SGCZ: variants seen among roughly 807,000 people sequenced by gnomAD.
SGCZ encodes sarcoglycan zeta, also known as zeta-sarcoglycan.
Under a neutral mutation model 41.3 loss-of-function variants are expected in SGCZ, and 40 were observed. The ratio of observed to expected loss-of-function variants is 0.97; its 90% CI spans 0.75 to 1.26. The LOEUF (loss-of-function observed/expected upper bound fraction) is 1.26. Ranked by LOEUF, SGCZ falls within the 50% of genes most tolerant of loss-of-function variation. The pLI, the probability that SGCZ is intolerant of heterozygous loss-of-function variation, is 0.00. For missense variants in SGCZ, 552 were observed against 369.8 expected (o/e 1.49, Z -4.04); for synonymous variants, 206 against 137.5 (o/e 1.50, Z -3.49).
Position 14,124,677 on chromosome 8 carries a change from C to A in SGCZ, c.548-16442G>T, listed in dbSNP as rs138216633. ...AGCTACATCAAGATAAAGAGTTTCT[C>A]CAGGAGGAATTGTGATTTAGTTAAG... is the stretch of plus-strand genomic sequence containing the variant. On this transcript the variant is annotated intron_variant, in intron 5 of 7. Transcript: ENST00000382080. Among the ~76,000 whole-genome samples, 1,249 of 152,208 alleles carry A rather than the reference C, an allele frequency of 8.2e-3. 9 individuals carry two copies. Among genetic ancestry groups the A allele is most frequent in the Non-Finnish European group, 0.013 (904 of 68,012 alleles).
chr8:14,173,134 C>T (rs564342456), intron 4 of SGCZ, among the ~76,000 whole-genome samples: 1 of 151,718 alleles, frequency 6.6e-6, no homozygotes, highest in Admixed American at 6.6e-5. Context: ...CAGGAGCAAG[C>T]TGATATGCTA....
intron 1 of SGCZ, among the ~76,000 whole-genome samples, chr8:14,682,404 G>T (rs978788057): frequency 6.6e-6 from 1 of 151,344 alleles, no homozygotes; most frequent in African/African-American, 2.4e-5. Flanking sequence ...AATTAAAAAT[G>T]CACATACATA....
chr8:15,043,490 T>A (rs1233938989), intron 1 of SGCZ, among the ~76,000 whole-genome samples: 2 of 152,116 alleles, frequency 1.3e-5, no homozygotes, highest in Non-Finnish European at 2.9e-5. Context: ...TAAATCATAT[T>A]TTTCTGATAT....
At chr8:14,318,078 G>C (rs2117016703) in intron 3 of SGCZ, among the ~76,000 whole-genome samples, 1 of 151,982 alleles carries the variant, frequency 6.6e-6, no homozygotes, top group Admixed American at 6.6e-5. Context: ...TGAGAATGCA[G>C]TGTATAAGAA....
chr8:14,166,223 A>C (rs1218455863), intron 4 of SGCZ, among the ~76,000 whole-genome samples: 2 of 152,198 alleles, frequency 1.3e-5, no homozygotes, highest in African/African-American at 4.8e-5. Context: ...GCTTTTTAAA[A>C]ATTTTTAAAT....
Position 14,873,843 on chromosome 8 carries a change from A to C in SGCZ, c.40-318917T>G, listed in dbSNP as rs546049222. On this transcript the variant is annotated intron_variant, in intron 1 of 7. Coordinates refer to ENST00000382080, the MANE Select transcript of SGCZ (RefSeq NM_139167.4). The stretch of plus-strand genomic sequence containing the variant: ...TAGGAACCTTTAAAAATGGAAATTA[A>C]ATTTTAGAAGATTGATTTCTCTAAA... Among the ~76,000 whole-genome samples, 16 of 152,284 alleles carry C rather than the reference A, an allele frequency of 1.1e-4. No individual in the cohort carries two copies. In the East Asian group the frequency reaches 2.3e-3, roughly 22 times the overall value.
intron 2 of SGCZ, among the ~76,000 whole-genome samples, chr8:14,506,615 C>T (rs1802312704): frequency 6.6e-6 from 1 of 152,058 alleles, no homozygotes; most frequent in Admixed American, 6.6e-5. Flanking sequence ...CTTTTTGTTC[C>T]ATCTCAAATG....
chr8:14,625,162 TCA>T (rs1806412679), intron 1 of SGCZ, among the ~76,000 whole-genome samples: 1 of 152,182 alleles, frequency 6.6e-6, no homozygotes, highest in South Asian at 2.1e-4. Context: ...CTCACTGTGT[TCA>T]GTGTTCCATA....
At chr8:14,651,866 A>G (rs1480699952) in intron 1 of SGCZ, among the ~76,000 whole-genome samples, 1 of 151,830 alleles carries the variant, frequency 6.6e-6, no homozygotes, top group African/African-American at 2.4e-5. Context: ...TCTGACATAT[A>G]TTTTCAGAAA....
At chr8:14,828,512 C>A (rs1324167849) in intron 1 of SGCZ, among the ~76,000 whole-genome samples, 1 of 152,132 alleles carries the variant, frequency 6.6e-6, no homozygotes, top group African/African-American at 2.4e-5. Flanking sequence ...AAATTTTAAA[C>A]AAGTGTAATC....
At chr8:14,605,029 C>A (rs1055011672) in intron 1 of SGCZ, among the ~76,000 whole-genome samples, 4 of 152,078 alleles carry the variant, frequency 2.6e-5, no homozygotes, top group Non-Finnish European at 5.9e-5. Flanking sequence ...TGGTATTGAA[C>A]CTAATCTCAG....
intron 4 of SGCZ, among the ~76,000 whole-genome samples, chr8:14,213,789 A>T (rs146053959): frequency 1.6e-3 from 238 of 152,278 alleles, no homozygotes; most frequent in African/African-American, 5.4e-3. Context: ...TAAGAAATGT[A>T]AAAGATCATG....
chr8:14,252,000 G>A (rs867010751), intron 3 of SGCZ, among the ~76,000 whole-genome samples: 1 of 152,082 alleles, frequency 6.6e-6, no homozygotes, highest in Non-Finnish European at 1.5e-5. Flanking sequence ...GTGAGCCACC[G>A]TGCCTGGCCT....
At chr8:15,204,149 G>A (rs1404961813) in intron 1 of SGCZ, among the ~76,000 whole-genome samples, 1 of 151,448 alleles carries the variant, frequency 6.6e-6, no homozygotes, top group Non-Finnish European at 1.5e-5. Flanking sequence ...GAAAATTGCT[G>A]GAGAGAACTC....
chr8:14,236,544 ATAT>A (rs1806769060), intron 4 of SGCZ, among the ~76,000 whole-genome samples: 2 of 151,934 alleles, frequency 1.3e-5, no homozygotes, highest in Non-Finnish European at 2.9e-5. Flanking sequence ...TTAATTAGAA[ATAT>A]TGGAAATATA....
chr8:14,652,064 A>C (rs1246388904), intron 1 of SGCZ, among the ~76,000 whole-genome samples: 1 of 152,032 alleles, frequency 6.6e-6, no homozygotes, highest in Non-Finnish European at 1.5e-5. Context: ...TCACGGAAAG[A>C]ATAACAAAAC....
intron 2 of SGCZ, among the ~76,000 whole-genome samples, chr8:14,369,044 T>TGTGTGTGTG (rs1411886846): frequency 6.6e-6 from 1 of 151,802 alleles, no homozygotes; most frequent in Non-Finnish European, 1.5e-5. Context: ...TGTGTGTGTG[T>TGTGTGTGTG]GTGTGTGTGT....
At chr8:14,204,437 C>T (rs1805554660) in intron 4 of SGCZ, among the ~76,000 whole-genome samples, 1 of 152,122 alleles carries the variant, frequency 6.6e-6, no homozygotes, top group African/African-American at 2.4e-5. Flanking sequence ...GAATGTGAGT[C>T]CTTCCTAAGT....
At chr8:14,953,022 G>T (rs977469701) in intron 1 of SGCZ, among the ~76,000 whole-genome samples, 1 of 152,096 alleles carries the variant, frequency 6.6e-6, no homozygotes, top group Non-Finnish European at 1.5e-5. Context: ...ACTTCTTGAA[G>T]ATAAGGTGAA....
Sources: gnomAD v4.1 joint callset for allele counts (sites outside exome capture counted in the v4.1 genomes callset) on GRCh38, gnomAD v4.1.1 for gene constraint, MANE v1.5 for transcripts, NCBI Gene and HGNC (gene_info 2026-07-23, HGNC 2026-07-21) for gene names.